Variants in CPNE4 observed in about 807,000 individuals in gnomAD.
CPNE4 encodes copine-4.
A neutral mutation model predicts 67.9 loss-of-function variants in CPNE4; 25 were observed. The observed-to-expected ratio is 0.37, with a 90% CI of 0.27 to 0.51. The LOEUF (loss-of-function observed/expected upper bound fraction) is 0.51. Among genes scored for constraint, CPNE4 ranks in the 20% least tolerant of loss-of-function variants. The pLI is 0.93. For synonymous variants in CPNE4, 242 were observed against 244.9 expected, an observed-to-expected ratio of 0.99 and a Z score of 0.11; for missense variants, 464 against 690.8, an observed-to-expected ratio of 0.67 and a Z score of 3.68.
At position 131,922,450 on chromosome 3, in the gene CPNE4, C is replaced by A. The variant is rs2070767889; in HGVS notation, c.-1-17006G>T. On this transcript the variant is annotated intron_variant, in intron 1 of 15. Transcript: ENST00000429747. ...TACCTCATCCATAAACTAAGAGAGA[C>A]AGGTCTTAAGCTAAAGCCAAGAGCC... is the stretch of plus-strand genomic sequence containing the variant. 2.6e-5 allele frequency among the ~76,000 whole-genome samples: 4 copies of A among 152,094 alleles called. No individual in the cohort carries two copies. The South Asian group carries it at 8.3e-4, about 32-fold the overall frequency.
intron 9 of CPNE4, among the ~76,000 whole-genome samples, chr3:131,577,612 C>T (rs1937581984): frequency 1.3e-5 from 2 of 152,054 alleles, no homozygotes; most frequent in African/African-American, 4.8e-5. Flanking sequence ...ATAAATGGCA[C>T]ACCTGTATAG....
chr3:131,551,106 G>A (rs1936148545), intron 13 of CPNE4, among the ~76,000 whole-genome samples: 1 of 151,990 alleles, frequency 6.6e-6, no homozygotes, highest in Admixed American at 6.6e-5. Context: ...TGGCCAGAGG[G>A]ATCCACACAA....
At chr3:131,578,015 T>G (rs1386976365) in intron 9 of CPNE4, among the ~76,000 whole-genome samples, 3 of 152,090 alleles carry the variant, frequency 2.0e-5, no homozygotes, top group Non-Finnish European at 2.9e-5. Flanking sequence ...CATCGTAAAT[T>G]GGGGACCATC....
Position 131,801,402 on chromosome 3 carries a change from A to AG in CPNE4, c.181-77778dup, listed in dbSNP as rs1553774122. On this transcript the variant is annotated intron_variant, in intron 2 of 15. Coordinates refer to ENST00000429747, the MANE Select transcript of CPNE4 (RefSeq NM_130808.3). ...ATATATATATGGTACATATATATAT[A>AG]GGTACATATATACGTGTGTGTGTGT... Among the ~76,000 whole-genome samples the AG allele has an allele frequency of 1.0e-3, 119 of 113,934 alleles. 2 individuals carry two copies. The highest frequency in any genetic ancestry group is 8.7e-3 in the Middle Eastern group (2 of 230). 74.7% of individuals were successfully genotyped at this position (113,934 alleles called of 152,430 possible).
In CPNE4 at chr3:131,572,380, C is replaced by T. The variant is rs145871625; in HGVS notation, c.927+2691G>A. 9.9e-5 allele frequency among the ~76,000 whole-genome samples: 15 copies of T among 152,182 alleles called. No homozygotes were observed. The East Asian group carries it at 2.7e-3, about 28-fold the overall frequency. On this transcript the variant is annotated intron_variant, in intron 10 of 15. Transcript: ENST00000429747. The stretch of plus-strand genomic sequence containing the variant: ...AGTATCTTCAGGACAGGGCACCTGA[C>T]AGGAACTGTGACCTTCTGTCAGGAA...
At position 131,958,609 on chromosome 3, in the gene CPNE4, C is replaced by CTTTTTTTTTTTTTTT. The variant is rs748126986; in HGVS notation, c.-1-53180_-1-53166dup. ...CAATTGATACACCTTTCTTTCTTTT[C>CTTTTTTTTTTTTTTT]TTTTTTTTTTTTTTTTTTTTTTTTT... On this transcript the variant is annotated intron_variant, in intron 1 of 15. Coordinates refer to ENST00000429747, the MANE Select transcript of CPNE4 (RefSeq NM_130808.3). Among the ~76,000 whole-genome samples, 140 of 95,960 alleles carry CTTTTTTTTTTTTTTT rather than the reference C, an allele frequency of 1.5e-3. 10 individuals carry two copies. The highest frequency in any genetic ancestry group is 3.0e-3 in the African/African-American group (60 of 20,038). The allele number at this position is 95,960 out of a possible 152,430, so 63.0% of individuals were successfully genotyped here.
intron 10 of CPNE4, among the ~76,000 whole-genome samples, chr3:131,573,535 AGGTT>A (rs1352587624): frequency 1.3e-5 from 2 of 152,098 alleles, no homozygotes; most frequent in African/African-American, 4.8e-5. Flanking sequence ...AAGCCCCTGA[AGGTT>A]GAATACAGAG....
chr3:131,686,129 C>A (rs931379494), intron 5 of CPNE4, among the ~76,000 whole-genome samples, 171 bp from the exon 6 acceptor site: 1 of 152,204 alleles, frequency 6.6e-6, no homozygotes, highest in African/African-American at 2.4e-5. Flanking sequence ...AAACTCTCTT[C>A]TCTTTACCTG....
chr3:131,864,918 G>T (rs375542245), intron 2 of CPNE4, among the ~76,000 whole-genome samples: 12 of 151,948 alleles, frequency 7.9e-5, no homozygotes, highest in African/African-American at 2.2e-4. Flanking sequence ...TAGCACGAAG[G>T]GTTGTTGAAT....
At chr3:132,009,870 T>C (rs989186118) in intron 1 of CPNE4, among the ~76,000 whole-genome samples, 1 of 152,112 alleles carries the variant, frequency 6.6e-6, no homozygotes, top group Non-Finnish European at 1.5e-5. Context: ...ACCAAGTAAG[T>C]AAAGGTCAGG....
intron 2 of CPNE4, among the ~76,000 whole-genome samples, chr3:131,766,909 C>T (rs544320690): frequency 6.6e-6 from 1 of 152,184 alleles, no homozygotes; most frequent in East Asian, 1.9e-4. Flanking sequence ...TGATGCTCAT[C>T]ACAAGCAATG....
chr3:132,023,153 A>C (rs1357942711), intron 1 of CPNE4, among the ~76,000 whole-genome samples: 6 of 152,244 alleles, frequency 3.9e-5, no homozygotes, highest in Admixed American at 3.9e-4. Flanking sequence ...TCGTTAACCC[A>C]TAATTCAGCT....
At chr3:131,707,511 T>C (rs370897136) in intron 3 of CPNE4, among the ~76,000 whole-genome samples, 4 of 152,316 alleles carry the variant, frequency 2.6e-5, no homozygotes, top group South Asian at 2.1e-4. Flanking sequence ...TATGGACATA[T>C]ATTTTTGGGG....
intron 2 of CPNE4, among the ~76,000 whole-genome samples, chr3:131,728,299 TC>T (rs1236547992): frequency 6.6e-6 from 1 of 152,216 alleles, no homozygotes; most frequent in Non-Finnish European, 1.5e-5. Flanking sequence ...TATTATCCTC[TC>T]TTACTGGGAG....
chr3:131,651,475 G>T (rs902955224), intron 7 of CPNE4, among the ~76,000 whole-genome samples: 1 of 152,120 alleles, frequency 6.6e-6, no homozygotes, highest in African/African-American at 2.4e-5. Context: ...AAGATCAATT[G>T]AACCTGTTTC....
intron 10 of CPNE4, among the ~76,000 whole-genome samples, chr3:131,567,464 G>A (rs1323341108): frequency 6.6e-6 from 1 of 151,980 alleles, no homozygotes; most frequent in Admixed American, 6.6e-5. Flanking sequence ...GAAGTGCCTA[G>A]TTTGTAAAAC....
At chr3:131,711,061 G>A (rs760611828) in intron 3 of CPNE4, among the ~76,000 whole-genome samples, 17 of 152,176 alleles carry the variant, frequency 1.1e-4, no homozygotes, top group Admixed American at 2.6e-4. Context: ...TCAAGTGGTC[G>A]TAAAATATAT....
intron 2 of CPNE4, among the ~76,000 whole-genome samples, chr3:131,874,288 C>T (rs1428528900): frequency 6.6e-6 from 1 of 152,078 alleles, no homozygotes; most frequent in East Asian, 1.9e-4. Flanking sequence ...CGGGGTTGCA[C>T]CATGTTAGCC....
At chr3:131,972,045 G>A (rs1471576944) in intron 1 of CPNE4, among the ~76,000 whole-genome samples, 4 of 151,996 alleles carry the variant, frequency 2.6e-5, no homozygotes, top group Non-Finnish European at 5.9e-5. Context: ...ACATTTAAGA[G>A]AAGAAAATGT....
Sources: gnomAD v4.1 joint callset for allele counts (sites outside exome capture counted in the v4.1 genomes callset) on GRCh38, gnomAD v4.1.1 for gene constraint, MANE v1.5 for transcripts, NCBI Gene and HGNC (gene_info 2026-07-23, HGNC 2026-07-21) for gene names.